The following INPP5F variants were observed in gnomAD, a reference collection of about 807,000 sequenced individuals.
The protein encoded by INPP5F is inositol polyphosphate-5-phosphatase F, also known as phosphatidylinositide 4-phosphatase SAC2.
INPP5F carries 97 observed loss-of-function variants against 137.2 expected under a neutral mutation model. The observed-to-expected ratio is 0.71, with a 90% CI of 0.60 to 0.84. The LOEUF is 0.84. Ranked by LOEUF, INPP5F falls within the 40% of genes least tolerant of loss-of-function variation. INPP5F has a pLI of 0.00. For synonymous variants in INPP5F, 504 were observed against 476.9 expected (o/e 1.06, Z -0.74); for missense variants, 1,271 against 1,371.9 (o/e 0.93, Z 1.16).
intron 1 of INPP5F, among the ~76,000 whole-genome samples, chr10:119,749,944 A>G (rs551015949): frequency 2.5e-4 from 38 of 152,090 alleles, no homozygotes; most frequent in South Asian, 2.1e-4. Flanking sequence ...ATGCCTGGCT[A>G]ATTTTTGTAG....
At chr10:119,805,241 A>G in intron 10 of INPP5F, 143 bp from the exon 11 acceptor site, 1 of 597,874 alleles carries the variant, frequency 1.7e-6, no homozygotes, top group Non-Finnish European at 2.9e-6. Context: ...TTGCCTATAT[A>G]ATATATAGTA....
chr10:119,743,013 A>G (rs1291813409), intron 1 of INPP5F, among the ~76,000 whole-genome samples: 1 of 152,178 alleles, frequency 6.6e-6, no homozygotes, highest in Non-Finnish European at 1.5e-5. Context: ...AAAGAAAGAA[A>G]GAAAGAGCCC....
At chr10:119,743,520 G>A (rs997015739) in intron 1 of INPP5F, among the ~76,000 whole-genome samples, 3 of 152,108 alleles carry the variant, frequency 2.0e-5, no homozygotes, top group African/African-American at 7.2e-5. Flanking sequence ...GTGGAGTGGG[G>A]AATGTGTCCG....
intron 1 of INPP5F, among the ~76,000 whole-genome samples, chr10:119,734,876 A>AT (rs1848177135): frequency 6.6e-6 from 1 of 152,110 alleles, no homozygotes; most frequent in Non-Finnish European, 1.5e-5. Context: ...CCTTTAGTCA[A>AT]TCTAAGTCCT....
intron 13 of INPP5F, among the ~76,000 whole-genome samples, 196 bp downstream of exon 13, chr10:119,808,256 G>A (rs1304501531): frequency 6.6e-6 from 1 of 152,246 alleles, no homozygotes. Context: ...AGAGGGGGCT[G>A]TGTGGGCCTG....
At chr10:119,740,418 G>A (rs1210271575) in intron 1 of INPP5F, among the ~76,000 whole-genome samples, 1 of 152,206 alleles carries the variant, frequency 6.6e-6, no homozygotes, top group Non-Finnish European at 1.5e-5. Flanking sequence ...GAATTCTGGG[G>A]CATATCTAGG....
At chr10:119,805,209 T>TTAGC (rs1850726588) in intron 10 of INPP5F, among the ~76,000 whole-genome samples, 175 bp from the exon 11 acceptor site, 1 of 152,240 alleles carries the variant, frequency 6.6e-6, no homozygotes, top group Non-Finnish European at 1.5e-5. Context: ...ACAATGCAGA[T>TTAGC]TAGCTATAAA....
chr10:119,781,613 T>C (rs377531821), intron 2 of INPP5F, 22 bp from the exon 3 acceptor site: 10 of 1,593,060 alleles, frequency 6.3e-6, no homozygotes, highest in Non-Finnish European at 8.6e-6. Flanking sequence ...CGCCAGACTT[T>C]ATTATGACTC....
chr10:119,726,090 G>A lies in INPP5F; in HGVS notation c.-173G>A, dbSNP rs1847873552. On this transcript the variant is annotated 5_prime_UTR_variant, in exon 1 of 20. Coordinates refer to ENST00000650623, the MANE Select transcript of INPP5F (RefSeq NM_014937.4). ...CCGCCGCTGCCGCCGCCGCTGCCGG[G>A]GCGCGTTCTCCTCCTACCGGTCGGG... 2 of 377,674 alleles carry A rather than the reference G, an allele frequency of 5.3e-6. No homozygotes were observed. The highest frequency in any genetic ancestry group is 1.5e-4 in the South Asian group (2 of 13,744). The allele number at this position is 377,674 out of a possible 1,614,324, so 23.4% of individuals were successfully genotyped here.
rs1851797174 is a variant in INPP5F, at chr10:119,827,169, G to A, written c.2788G>A (p.Gly930Arg). 5.0e-6 allele frequency: 8 copies of A among 1,614,088 alleles called. No homozygotes were observed. The East Asian group carries it at 6.7e-5, about 13-fold the overall frequency. ...EITVAHGSGL[G>R]KGQESPLKKS... ...TACTGTTGCTCATGGGAGTGGGCTT[G>A]GAAAAGGCCAGGAGTCTCCTTTGAA... Residue 930 changes from glycine (G) to arginine (R), a missense_variant, in exon 20 of 20, where the codon GGA becomes AGA. Coordinates refer to ENST00000650623, the MANE Select transcript of INPP5F (RefSeq NM_014937.4).
intron 1 of INPP5F, among the ~76,000 whole-genome samples, chr10:119,741,535 A>T (rs556406085): frequency 1.9e-4 from 29 of 151,782 alleles, no homozygotes; most frequent in Non-Finnish European, 3.8e-4. Context: ...TATTAATTTT[A>T]ATTTTTATTT....
At chr10:119,762,612 A>G (rs190352893) in intron 2 of INPP5F, among the ~76,000 whole-genome samples, 13 of 152,352 alleles carry the variant, frequency 8.5e-5, no homozygotes, top group African/African-American at 3.1e-4. Context: ...CAGCATTTAT[A>G]TTGCATTAGG....
intron 6 of INPP5F, among the ~76,000 whole-genome samples, chr10:119,795,063 GC>G (rs1252782649): frequency 7.4e-6 from 1 of 134,258 alleles, no homozygotes; most frequent in Non-Finnish European, 1.6e-5. Flanking sequence ...GGGGCGGCTG[GC>G]CGGGCGGGGG....
intron 6 of INPP5F, among the ~76,000 whole-genome samples, chr10:119,795,970 C>T (rs947292888): frequency 4.6e-5 from 7 of 151,174 alleles, no homozygotes; most frequent in African/African-American, 1.5e-4. Context: ...CGCAGGCACT[C>T]GGCAGGCTGA....
chr10:119,823,287 TA>T, intron 18 of INPP5F, 88 bp downstream of exon 18: 1 of 1,284,282 alleles, frequency 7.8e-7, no homozygotes, highest in Non-Finnish European at 1.1e-6. Context: ...TTTCATATCA[TA>T]ACCAACTGAA....
At position 119,827,358 on chromosome 10, in the gene INPP5F, A is replaced by G; in HGVS notation, c.2977A>G (p.Asn993Asp). The stretch of plus-strand genomic sequence containing the variant: ...TAGTCAGGAAAGAAATCAAATGACC[A>G]ATCAAGTTTCAAATGAAACCCAATC... ...QASQERNQMT[N>D]QVSNETQSES... Residue 993 changes from asparagine to aspartate, a missense_variant, in exon 20 of 20, where the codon AAT becomes GAT. By Grantham distance (23) the Asn-to-Asp change is conservative. Transcript: ENST00000650623. 1 of 1,614,146 alleles carries G rather than the reference A, an allele frequency of 6.2e-7. No individual in the cohort carries two copies. The highest frequency in any genetic ancestry group is 8.5e-7 in the Non-Finnish European group (1 of 1,179,966).
intron 15 of INPP5F, chr10:119,818,741 C>A (rs912966452): frequency 2.6e-4 from 40 of 152,298 alleles, no homozygotes; most frequent in African/African-American, 9.4e-4. Context: ...GCTGCAGGCG[C>A]GAGGTTGGGT....
chr10:119,768,344 T>A (rs758865551), intron 2 of INPP5F: 1 of 152,202 alleles, frequency 6.6e-6, no homozygotes, highest in African/African-American at 2.4e-5. Context: ...GCTATGCTGA[T>A]TGGGTGTCTG....
At chr10:119,778,623 A>G (rs561328467) in intron 2 of INPP5F, among the ~76,000 whole-genome samples, 13 of 152,220 alleles carry the variant, frequency 8.5e-5, no homozygotes, top group African/African-American at 3.1e-4. Context: ...TCCTCATTAT[A>G]TTTAGTTCTC....
Sources: allele counts gnomAD v4.1 joint callset (sites outside exome capture counted in the v4.1 genomes callset), GRCh38; gene constraint gnomAD v4.1.1; transcripts MANE v1.5; gene names NCBI Gene and HGNC (gene_info 2026-07-23, HGNC 2026-07-21).